ABR: variants seen among roughly 807,000 people sequenced by gnomAD.
ABR encodes the protein active breakpoint cluster region-related protein.
In ABR, 35 loss-of-function variants were observed where a neutral mutation model predicts 107.2. The ratio of observed to expected loss-of-function variants is 0.33; its 90% CI spans 0.25 to 0.43. The LOEUF (loss-of-function observed/expected upper bound fraction) is 0.43, where lower values mean the gene tolerates loss of function less well. Ranked by LOEUF, ABR falls within the 20% of genes least tolerant of loss-of-function variation. ABR has a pLI of 1.00. For synonymous variants in ABR, 498 were observed against 462.0 expected (o/e 1.08, Z -1.00); for missense variants, 815 against 1,115.2 (o/e 0.73, Z 3.83).
intron 2 of ABR, among the ~76,000 whole-genome samples, chr17:1,109,546 G>A (rs967568478): frequency 1.3e-4 from 20 of 152,154 alleles, no homozygotes; most frequent in African/African-American, 4.1e-4. Flanking sequence ...CGGCCGGGCC[G>A]GGGTGGGGTG....
Position 1,217,575 on chromosome 17 carries a change from CAAATAT to C in ABR, c.838+11212_838+11217del, listed in dbSNP as rs771029675. Among the ~76,000 whole-genome samples the C allele has an allele frequency of 6.8e-4, 103 of 152,336 alleles. 1 individual carries two copies. In the Middle Eastern group the frequency reaches 0.017, roughly 25 times the overall value. Reference sequence around the variant, plus strand: ...TATATTATCATCGTCCCCTAGCCTACAAATATAAACACTGAGGTGCAAAAAGGTTGA... The same window carrying C: ...TATATTATCATCGTCCCCTAGCCTACAAACACTGAGGTGCAAAAAGGTTGA... On this transcript the variant is annotated intron_variant, in intron 1 of 22. Coordinates refer to the ABR transcript ENST00000574139.
intron 1 of ABR, among the ~76,000 whole-genome samples, chr17:1,214,173 C>A (rs1386193191): frequency 2.0e-5 from 3 of 152,284 alleles, no homozygotes; most frequent in African/African-American, 7.2e-5. Context: ...GCATGAGCCA[C>A]CGCTCCCGGC....
In ABR at chr17:1,221,069, C is replaced by T. The variant is rs143741185; in HGVS notation, c.838+7724G>A. Among the ~76,000 whole-genome samples, 260 of 152,264 alleles carry T rather than the reference C, an allele frequency of 1.7e-3. 1 individual carries two copies. Among genetic ancestry groups the T allele is most frequent in the African/African-American group, 5.6e-3 (233 of 41,534 alleles). On this transcript the variant is annotated intron_variant, in intron 1 of 22. Transcript: ENST00000574139. ...TAAGACAATTGTGCCGTGTGGGGCC[C>T]GCTCTAAGAACCGCAAGATGGGTTG...
intron 16 of ABR, among the ~76,000 whole-genome samples, chr17:1,028,318 C>CG (rs1352775970): frequency 6.7e-6 from 1 of 149,850 alleles, no homozygotes; most frequent in Non-Finnish European, 1.5e-5. Flanking sequence ...AGGCTGGTCT[C>CG]GAACGCCTGA....
chr17:1,030,706 G>C (rs762961626), intron 16 of ABR, among the ~76,000 whole-genome samples: 1 of 152,284 alleles, frequency 6.6e-6, no homozygotes, highest in African/African-American at 2.4e-5. Flanking sequence ...GGCAGTAAGA[G>C]CCTGCAGAGA....
At chr17:1,215,270 G>A (rs1228759725) in intron 1 of ABR, among the ~76,000 whole-genome samples, 10 of 151,140 alleles carry the variant, frequency 6.6e-5, no homozygotes, top group Non-Finnish European at 1.2e-4. Flanking sequence ...CTCTCTCCAC[G>A]GTCTCCCTCT....
upstream of ABR, among the ~76,000 whole-genome samples, chr17:1,188,510 A>G (rs780312836): frequency 1.3e-5 from 2 of 151,146 alleles, no homozygotes; most frequent in Non-Finnish European, 2.9e-5. Context: ...AGATCGCACC[A>G]CTGTACTCCA....
chr17:1,202,130 C>T (rs1363152115), intron 1 of ABR, among the ~76,000 whole-genome samples: 4 of 152,030 alleles, frequency 2.6e-5, no homozygotes, highest in African/African-American at 4.8e-5. Flanking sequence ...ATTTATTTTT[C>T]GAAACAGAGT....
At chr17:1,220,558 T>G (rs1157070889) in intron 1 of ABR, among the ~76,000 whole-genome samples, 1 of 152,150 alleles carries the variant, frequency 6.6e-6, no homozygotes, top group African/African-American at 2.4e-5. Context: ...TTTCTGCTTA[T>G]GATTCTAGTA....
intron 16 of ABR, among the ~76,000 whole-genome samples, chr17:1,018,331 C>T (rs1037562155): frequency 2.0e-5 from 3 of 152,212 alleles, no homozygotes; most frequent in African/African-American, 4.8e-5. Context: ...CGTGAGCCAC[C>T]ACGCCTGGCC....
intron 4 of ABR, among the ~76,000 whole-genome samples, chr17:1,089,997 T>C (rs941454553): frequency 6.6e-6 from 1 of 152,120 alleles, no homozygotes; most frequent in African/African-American, 2.4e-5. Context: ...CTCCTGGAAC[T>C]TGTGGTTTGG....
In ABR at chr17:1,150,826, A is replaced by G. The variant is rs1209490291; in HGVS notation, c.62-25459T>C. Among the ~76,000 whole-genome samples the G allele has an allele frequency of 6.6e-6, 1 of 152,118 alleles. No individual in the cohort carries two copies. Among genetic ancestry groups the G allele is most frequent in the African/African-American group, 2.4e-5 (1 of 41,416 alleles). ...CCTAGGTTCTGCAAACCCAGCCATC[A>G]ACACACAGAGGCCCACGAGCCCATT... On this transcript the variant is annotated intron_variant, in intron 1 of 22. Transcript: ENST00000302538. This position sits in a 1 kb window ranked among gnomAD's most constrained non-coding sequence, Gnocchi z 4.8.
At chr17:1,176,543 G>A (rs779395763) in intron 1 of ABR, among the ~76,000 whole-genome samples, 1 of 152,138 alleles carries the variant, frequency 6.6e-6, no homozygotes. Flanking sequence ...TGGAGAGAAT[G>A]GATAGAAAGT....
intron 16 of ABR, among the ~76,000 whole-genome samples, chr17:1,041,511 G>T (rs192767627): frequency 6.6e-6 from 1 of 151,990 alleles, no homozygotes; most frequent in Non-Finnish European, 1.5e-5. Flanking sequence ...GAGGCGGGTG[G>T]ATCACAAGGT....
In ABR at chr17:1,005,829, G is replaced by A. The variant is rs2069982280; in HGVS notation, c.*251C>T. The A allele has an allele frequency of 1.8e-6, 1 of 562,440 alleles. No individual in the cohort carries two copies. Among genetic ancestry groups the A allele is most frequent in the African/African-American group, 1.9e-5 (1 of 53,092 alleles). 34.8% of individuals were successfully genotyped at this position (562,440 alleles called of 1,614,324 possible). On this transcript the variant is annotated 3_prime_UTR_variant, in exon 23 of 23. Transcript: ENST00000302538. Reference sequence around the variant, plus strand: ...GTGTACATAAAACAATTCCCGAACAGCACGGAGCATCAGACACAACTAGAG... The same window carrying A: ...GTGTACATAAAACAATTCCCGAACAACACGGAGCATCAGACACAACTAGAG...
chr17:1,225,343 G>A (rs9709078), intron 1 of ABR, among the ~76,000 whole-genome samples: 68,013 of 151,576 alleles, frequency 0.45, 15,672 homozygotes, highest in Middle Eastern at 0.5. Context: ...GAATGACTGG[G>A]GAGTGGGAAG....
chr17:1,135,037 T>C (rs1178729681), intron 1 of ABR, among the ~76,000 whole-genome samples: 3 of 152,190 alleles, frequency 2.0e-5, no homozygotes, highest in Non-Finnish European at 4.4e-5. Context: ...ATTAATTGGA[T>C]CTTGAAAGCT....
rs932583215 is a variant in ABR at position 1,200,743 on chromosome 17, G to A, written c.838+28050C>T. On this transcript the variant is annotated intron_variant, in intron 1 of 22. Transcript: ENST00000574139. This position sits in a 1 kb window ranked among gnomAD's most constrained non-coding sequence, Gnocchi z 4.1. ...CACGTCATCCCGGTTTGTTCATGGT[G>A]CAAGATGTCTCCGGTTACTTCGGGG... Among the ~76,000 whole-genome samples, 2 of 152,348 alleles carry A rather than the reference G, an allele frequency of 1.3e-5. No individual in the cohort carries two copies. The highest frequency in any genetic ancestry group is 3.4e-3 in the Middle Eastern group (1 of 294).
chr17:1,121,128 TG>T (rs2039326845), intron 2 of ABR, among the ~76,000 whole-genome samples: 1 of 152,200 alleles, frequency 6.6e-6, no homozygotes, highest in African/African-American at 2.4e-5. Flanking sequence ...GCAGGGTTTA[TG>T]GGGCAGGGCT....
Sources: gnomAD v4.1 joint callset for allele counts (sites outside exome capture counted in the v4.1 genomes callset) on GRCh38, gnomAD v4.1.1 for gene constraint, Gnocchi (gnomAD v3.1) non-coding constraint, MANE v1.5 for transcripts, NCBI Gene and HGNC (gene_info 2026-07-23, HGNC 2026-07-21) for gene names.